The following CD83 variants were observed in gnomAD, a reference collection of about 807,000 sequenced individuals.
CD83 encodes the protein CD83 molecule, also known as CD83 antigen.
CD83 carries 22 observed loss-of-function variants against 24.6 expected under a neutral mutation model. The ratio of observed to expected loss-of-function variants is 0.90; its 90% CI spans 0.64 to 1.28. The LOEUF (loss-of-function observed/expected upper bound fraction) is 1.28. Ranked by LOEUF, CD83 falls within the 50% of genes most tolerant of loss-of-function variation. The pLI is 0.00. For synonymous variants in CD83, 101 were observed against 103.5 expected, an observed-to-expected ratio of 0.98 and a Z score of 0.14; for missense variants, 253 against 252.8, an observed-to-expected ratio of 1.00 and a Z score of -0.01.
chr6:14,119,013 A>G (rs1759609866), intron 2 of CD83, among the ~76,000 whole-genome samples: 1 of 152,344 alleles, frequency 6.6e-6, no homozygotes, highest in Non-Finnish European at 1.5e-5. Context: ...TCTGCCCACC[A>G]TAAAAGATAC....
At chr6:14,131,089 C>G (rs1757885872) in intron 2 of CD83, among the ~76,000 whole-genome samples, 1 of 152,080 alleles carries the variant, frequency 6.6e-6, no homozygotes, top group Non-Finnish European at 1.5e-5. Flanking sequence ...AGGAATTTTT[C>G]CAAATAAAAG....
intron 3 of CD83, among the ~76,000 whole-genome samples, chr6:14,132,563 T>C (rs908986428): frequency 2.0e-5 from 3 of 152,244 alleles, no homozygotes; most frequent in South Asian, 2.1e-4. Context: ...GCCTCAGTTC[T>C]CTAATCTCTA....
At chr6:14,117,708 G>C (rs1414605430), upstream of CD83, 8 of 819,520 alleles carry the variant, frequency 9.8e-6, no homozygotes, top group Non-Finnish European at 1.4e-5. This position sits in a 1 kb window ranked among gnomAD's most constrained non-coding sequence, Gnocchi z 4.6. Flanking sequence ...GGAATCCCCC[G>C]GGCTGGCGCG....
At position 14,136,651 on chromosome 6, in the gene CD83, C is replaced by G. The variant is rs1758059523; in HGVS notation, c.*1415C>G. 6.6e-6 allele frequency: 1 copy of G among 152,142 alleles called. No homozygotes were observed. The highest frequency in any genetic ancestry group is 6.5e-5 in the Admixed American group (1 of 15,276). 9.4% of individuals were successfully genotyped at this position (152,142 alleles called of 1,614,324 possible). On this transcript the variant is annotated 3_prime_UTR_variant, in exon 5 of 5. Transcript: ENST00000379153. Reference sequence around the variant, plus strand: ...GTGTTTTTACCTCTGTCTTGGCTTTCATGTTATTAAACGTATGCATGTGAA... The same window carrying G: ...GTGTTTTTACCTCTGTCTTGGCTTTGATGTTATTAAACGTATGCATGTGAA...
At chr6:14,133,879 A>T (rs1042581398) in intron 4 of CD83, 124 bp downstream of exon 4, 1 of 611,334 alleles carries the variant, frequency 1.6e-6, no homozygotes, top group African/African-American at 1.9e-5. Flanking sequence ...TGAACCCTGG[A>T]CTTTTTGAGG....
intron 3 of CD83, among the ~76,000 whole-genome samples, chr6:14,132,379 C>T (rs1757929934): frequency 6.6e-6 from 1 of 152,170 alleles, no homozygotes; most frequent in Non-Finnish European, 1.5e-5. Context: ...GCATGTCCTG[C>T]AGGGAGTGGA....
chr6:14,124,707 G>T (rs1296949263), intron 2 of CD83, among the ~76,000 whole-genome samples: 1 of 152,084 alleles, frequency 6.6e-6, no homozygotes, highest in African/African-American at 2.4e-5. Context: ...TAAAGAGAAG[G>T]AAATATATTG....
At chr6:14,120,864 A>G (rs1039090173) in intron 2 of CD83, among the ~76,000 whole-genome samples, 1 of 152,210 alleles carries the variant, frequency 6.6e-6, no homozygotes, top group African/African-American at 2.4e-5. Context: ...TGTTTGCAAC[A>G]TTAGGGTTGG....
At chr6:14,128,795 C>A (rs565124746) in intron 2 of CD83, among the ~76,000 whole-genome samples, 1 of 152,148 alleles carries the variant, frequency 6.6e-6, no homozygotes, top group Non-Finnish European at 1.5e-5. Context: ...AAATAACTAG[C>A]GGCCCACTGA....
intron 2 of CD83, among the ~76,000 whole-genome samples, chr6:14,120,226 A>G (rs1759640507): frequency 6.6e-6 from 1 of 152,134 alleles, no homozygotes; most frequent in African/African-American, 2.4e-5. Context: ...AGTGACATAT[A>G]TTGTTCCTTT....
intron 2 of CD83, 148 bp from the exon 3 acceptor site, chr6:14,131,372 C>A: frequency 3.2e-6 from 2 of 624,392 alleles, no homozygotes; most frequent in African/African-American, 1.8e-5. Flanking sequence ...ATCTTTCCTC[C>A]CCCAGAGGTC....
chr6:14,118,928 C>G (rs563143086), intron 2 of CD83, among the ~76,000 whole-genome samples: 1 of 152,330 alleles, frequency 6.6e-6, no homozygotes, highest in African/African-American at 2.4e-5. Context: ...TACTCTGTAG[C>G]TCTCACTGAT....
chr6:14,119,193 G>A (rs1036276808), intron 2 of CD83, among the ~76,000 whole-genome samples: 3 of 152,170 alleles, frequency 2.0e-5, no homozygotes, highest in African/African-American at 7.2e-5. Flanking sequence ...AAATTGCAAA[G>A]GTGCTCTGTG....
chr6:14,127,702 A>G (rs993313958), intron 2 of CD83, among the ~76,000 whole-genome samples: 1 of 152,168 alleles, frequency 6.6e-6, no homozygotes, highest in Non-Finnish European at 1.5e-5. Context: ...AGAATATGGT[A>G]TTTAAATAAT....
intron 4 of CD83, 69 bp downstream of exon 4, chr6:14,133,824 G>T: frequency 9.9e-7 from 1 of 1,009,130 alleles, no homozygotes. Flanking sequence ...AGTATCTCTT[G>T]CAGATAGTGC....
At chr6:14,126,103 A>G (rs191340865) in intron 2 of CD83, among the ~76,000 whole-genome samples, 1 of 152,332 alleles carries the variant, frequency 6.6e-6, no homozygotes, top group Admixed American at 6.5e-5. Context: ...TGACATATGG[A>G]AGATGACCCA....
chr6:14,122,274 G>A (rs1257513171), intron 2 of CD83, among the ~76,000 whole-genome samples: 1 of 152,176 alleles, frequency 6.6e-6, no homozygotes, highest in African/African-American at 2.4e-5. Context: ...AATGGCTTGC[G>A]TGAGGCCACT....
chr6:14,131,059 G>C (rs1757885412), intron 2 of CD83, among the ~76,000 whole-genome samples: 1 of 152,168 alleles, frequency 6.6e-6, no homozygotes, highest in South Asian at 2.1e-4. Flanking sequence ...GAATTGTCTG[G>C]CAAGGATCAT....
At chr6:14,130,786 C>T (rs1244409764) in intron 2 of CD83, among the ~76,000 whole-genome samples, 1 of 152,206 alleles carries the variant, frequency 6.6e-6, no homozygotes, top group East Asian at 1.9e-4. Flanking sequence ...AATTGGGCAT[C>T]TCCCCAAGTC....
Sources: allele counts gnomAD v4.1 joint callset (sites outside exome capture counted in the v4.1 genomes callset), GRCh38; gene constraint gnomAD v4.1.1; non-coding constraint Gnocchi (gnomAD v3.1); transcripts MANE v1.5; gene names NCBI Gene and HGNC (gene_info 2026-07-23, HGNC 2026-07-21).